PDE3A: variants seen among roughly 807,000 people sequenced by gnomAD.
PDE3A encodes phosphodiesterase 3A.
A neutral mutation model predicts 98.3 loss-of-function variants in PDE3A; 43 were observed. That is an observed-to-expected ratio of 0.44 (90% CI 0.34 to 0.56). The LOEUF is 0.56. Ranked by LOEUF, PDE3A falls within the 20% of genes least tolerant of loss-of-function variation. The pLI, the probability that PDE3A is intolerant of heterozygous loss-of-function variation, is 0.01. For synonymous variants in PDE3A, 663 were observed against 567.9 expected (o/e 1.17, Z -2.38); for missense variants, 1,427 against 1,440.7 (o/e 0.99, Z 0.15).
chr12:20,518,126 G>A (rs1031340290), intron 1 of PDE3A, among the ~76,000 whole-genome samples: 5 of 152,112 alleles, frequency 3.3e-5, no homozygotes, highest in East Asian at 1.9e-4. Flanking sequence ...GAGACACAAC[G>A]TATTTGCCCC....
chr12:20,621,522 G>T (rs773859830), intron 5 of PDE3A, 111 bp downstream of exon 5: 5 of 626,848 alleles, frequency 8.0e-6, no homozygotes, highest in Non-Finnish European at 1.4e-5. Flanking sequence ...GATATGTTTG[G>T]TTTGTCTATT....
chr12:20,522,750 G>T (rs1400106216), intron 1 of PDE3A, among the ~76,000 whole-genome samples: 10 of 152,074 alleles, frequency 6.6e-5, no homozygotes, highest in Admixed American at 6.5e-4. Context: ...GGTTGTTGAT[G>T]GTACCTACTG....
At chr12:20,457,059 C>T (rs922835618) in intron 1 of PDE3A, among the ~76,000 whole-genome samples, 4 of 146,872 alleles carry the variant, frequency 2.7e-5, no homozygotes, top group Non-Finnish European at 6.1e-5. Flanking sequence ...GCATCTATGT[C>T]CAACAAAAAA....
intron 2 of PDE3A, among the ~76,000 whole-genome samples, chr12:20,569,130 TA>T (rs1273934398): frequency 6.6e-6 from 1 of 152,090 alleles, no homozygotes; most frequent in Non-Finnish European, 1.5e-5. Flanking sequence ...AAAAGTAAGA[TA>T]TTTTATTAAC....
chr12:20,496,759 T>C (rs1311381001), intron 1 of PDE3A, among the ~76,000 whole-genome samples: 1 of 152,254 alleles, frequency 6.6e-6, no homozygotes, highest in Non-Finnish European at 1.5e-5. Context: ...CTTTAGCTTC[T>C]ATCTTTCACG....
intron 1 of PDE3A, among the ~76,000 whole-genome samples, chr12:20,477,254 C>T (rs1945547304): frequency 6.6e-6 from 1 of 152,110 alleles, no homozygotes; most frequent in African/African-American, 2.4e-5. Context: ...ACTAAGATTG[C>T]CTGTGAAATC....
chr12:20,626,578 A>C (rs1944268883), intron 5 of PDE3A, among the ~76,000 whole-genome samples: 1 of 152,042 alleles, frequency 6.6e-6, no homozygotes, highest in Non-Finnish European at 1.5e-5. Context: ...AGCTCACTGC[A>C]ACCTCTGCCT....
chr12:20,675,061 T>C (rs1486038998), intron 15 of PDE3A, among the ~76,000 whole-genome samples: 2 of 152,062 alleles, frequency 1.3e-5, no homozygotes, highest in Non-Finnish European at 2.9e-5. Context: ...TAGTTTTTTG[T>C]TGTTGATATT....
chr12:20,506,492 G>T (rs948011690), intron 1 of PDE3A, among the ~76,000 whole-genome samples: 17 of 151,926 alleles, frequency 1.1e-4, no homozygotes, highest in Non-Finnish European at 2.1e-4. Flanking sequence ...TCTTATGAAA[G>T]GATTATTTTG....
At chr12:20,582,539 A>G (rs765303024) in intron 2 of PDE3A, among the ~76,000 whole-genome samples, 1 of 152,130 alleles carries the variant, frequency 6.6e-6, no homozygotes, top group Non-Finnish European at 1.5e-5. Flanking sequence ...ATTACAGAAT[A>G]TTGTAATAAA....
intron 15 of PDE3A, among the ~76,000 whole-genome samples, chr12:20,675,101 C>T (rs914850787): frequency 6.6e-6 from 1 of 151,850 alleles, no homozygotes; most frequent in African/African-American, 2.4e-5. Context: ...TTGACTACTA[C>T]TTTGTGTTGT....
chr12:20,438,889 T>G (rs979972447), intron 1 of PDE3A, among the ~76,000 whole-genome samples: 1 of 151,946 alleles, frequency 6.6e-6, no homozygotes, highest in African/African-American at 2.4e-5. Context: ...CCTCCCAGGT[T>G]AAAGCGATTC....
chr12:20,619,685 G>A (rs905143232), intron 4 of PDE3A, among the ~76,000 whole-genome samples: 1 of 152,042 alleles, frequency 6.6e-6, no homozygotes, highest in Non-Finnish European at 1.5e-5. Context: ...TGCTTTCTGA[G>A]GAAGATGTCA....
intron 15 of PDE3A, among the ~76,000 whole-genome samples, chr12:20,659,595 G>A (rs1161016938): frequency 6.6e-6 from 1 of 151,804 alleles, no homozygotes; most frequent in African/African-American, 2.4e-5. Flanking sequence ...TGTAGAGACA[G>A]CAGTCTCACT....
chr12:20,591,533 C>T (rs970560320), intron 2 of PDE3A, among the ~76,000 whole-genome samples: 4 of 152,228 alleles, frequency 2.6e-5, no homozygotes, highest in African/African-American at 9.6e-5. Context: ...TTCATGATAA[C>T]ACACAGATAC....
intron 13 of PDE3A, among the ~76,000 whole-genome samples, chr12:20,649,821 G>A (rs572010339): frequency 1.3e-4 from 20 of 152,112 alleles, no homozygotes; most frequent in Admixed American, 4.6e-4. Context: ...ACCTACTTGC[G>A]GGGGCTGAGG....
intron 5 of PDE3A, among the ~76,000 whole-genome samples, chr12:20,626,279 C>T (rs1325686060): frequency 1.3e-5 from 2 of 150,666 alleles, no homozygotes; most frequent in Non-Finnish European, 2.9e-5. Context: ...TTTTGAAGAC[C>T]GATACGGTCT....
chr12:20,504,127 C>T (rs1946073250), intron 1 of PDE3A, among the ~76,000 whole-genome samples: 1 of 152,020 alleles, frequency 6.6e-6, no homozygotes, highest in African/African-American at 2.4e-5. Flanking sequence ...TTATAGTTTT[C>T]TCATTTGTAC....
intron 15 of PDE3A, among the ~76,000 whole-genome samples, chr12:20,666,904 G>T (rs560945367): frequency 2.0e-5 from 3 of 152,260 alleles, no homozygotes; most frequent in Admixed American, 2.0e-4. Flanking sequence ...ACAGTGTTAT[G>T]AGTTCCCTTT....
Sources: allele counts gnomAD v4.1 joint callset (sites outside exome capture counted in the v4.1 genomes callset), GRCh38; gene constraint gnomAD v4.1.1; transcripts MANE v1.5; gene names NCBI Gene and HGNC (gene_info 2026-07-23, HGNC 2026-07-21).